Variants in SH3RF3 observed in about 807,000 individuals in gnomAD.
SH3RF3 encodes the protein E3 ubiquitin-protein ligase SH3RF3.
Under a neutral mutation model 66.3 loss-of-function variants are expected in SH3RF3, and 29 were observed. The observed-to-expected ratio is 0.44, with a 90% CI of 0.33 to 0.60. The LOEUF is 0.60. SH3RF3 is among the 20% of genes least tolerant of loss of function. The pLI is 0.04. For synonymous variants in SH3RF3, 583 were observed against 532.0 expected (o/e 1.10, Z -1.32); for missense variants, 1,194 against 1,190.9 (o/e 1.00, Z -0.04).
At chr2:109,211,096 A>G (rs989621420) in intron 1 of SH3RF3, among the ~76,000 whole-genome samples, 1 of 152,122 alleles carries the variant, frequency 6.6e-6, no homozygotes, top group African/African-American at 2.4e-5. Flanking sequence ...TAATATGCCC[A>G]TTTATGTGTG....
intron 3 of SH3RF3, among the ~76,000 whole-genome samples, chr2:109,384,729 T>C (rs1675779298): frequency 6.6e-6 from 1 of 152,114 alleles, no homozygotes; most frequent in South Asian, 2.1e-4. Context: ...TAGTGTAAAA[T>C]GCATGTGGAG....
chr2:109,436,487 C>G (rs894996825), intron 6 of SH3RF3, among the ~76,000 whole-genome samples: 1 of 152,338 alleles, frequency 6.6e-6, no homozygotes, highest in Admixed American at 6.5e-5. Flanking sequence ...AGAGGGGGCC[C>G]GCGTCCTTGC....
At chr2:109,412,995 T>C (rs1676634785) in intron 4 of SH3RF3, among the ~76,000 whole-genome samples, 1 of 152,166 alleles carries the variant, frequency 6.6e-6, no homozygotes, top group African/African-American at 2.4e-5. Flanking sequence ...TTCTGTGTCC[T>C]TGTCAGCCTG....
chr2:109,347,583 C>A, intron 1 of SH3RF3, 91 bp from the exon 2 acceptor site: 1 of 1,501,312 alleles, frequency 6.7e-7, no homozygotes, highest in Non-Finnish European at 8.9e-7. Context: ...CACAGAAAGC[C>A]CCTGAGAAGC....
intron 1 of SH3RF3, among the ~76,000 whole-genome samples, chr2:109,184,933 T>G (rs1399435671): frequency 6.6e-6 from 1 of 152,226 alleles, no homozygotes; most frequent in African/African-American, 2.4e-5. Flanking sequence ...AATATATACA[T>G]TTTCCATTTA....
At chr2:109,479,286 CTTAG>C (rs955488113) in intron 8 of SH3RF3, among the ~76,000 whole-genome samples, 141 of 152,172 alleles carry the variant, frequency 9.3e-4, no homozygotes, top group East Asian at 2.9e-3. Flanking sequence ...GGTCCTGTGA[CTTAG>C]TTAGGGGAGT....
intron 1 of SH3RF3, among the ~76,000 whole-genome samples, chr2:109,198,707 A>G (rs1678566120): frequency 6.6e-6 from 1 of 152,184 alleles, no homozygotes; most frequent in South Asian, 2.1e-4. Flanking sequence ...AAAGGGGACT[A>G]ATCCCATTCG....
chr2:109,145,444 G>A (rs945929787), intron 1 of SH3RF3, among the ~76,000 whole-genome samples: 7 of 152,060 alleles, frequency 4.6e-5, no homozygotes, highest in African/African-American at 9.7e-5. Flanking sequence ...AAGACCGGTC[G>A]CCTTCACCAT....
At position 109,419,396 on chromosome 2, in the gene SH3RF3, G is replaced by A. The variant is rs956857103; in HGVS notation, c.1300-143G>A. The A allele has an allele frequency of 5.0e-6, 4 of 806,174 alleles. No individual in the cohort carries two copies. In the African/African-American group the frequency reaches 6.8e-5, roughly 14 times the overall value. The allele number at this position is 806,174 out of a possible 1,614,324, so 49.9% of individuals were successfully genotyped here. A position where few individuals can be genotyped will look rare whatever the true frequency, so the allele number is the denominator to read the frequency against. ...CCAGGCTCCCTCCCATGACAGTCCA[G>A]GTAGGCACAGCACGTTGGAGGCCAA... On this transcript the variant is annotated intron_variant, in intron 4 of 9. Transcript: ENST00000309415.
At chr2:109,241,910 G>C (rs548008179) in intron 1 of SH3RF3, among the ~76,000 whole-genome samples, 1 of 151,646 alleles carries the variant, frequency 6.6e-6, no homozygotes, top group Admixed American at 6.6e-5. Context: ...GGACTACAGG[G>C]GCCCACCACC....
intron 7 of SH3RF3, among the ~76,000 whole-genome samples, chr2:109,447,834 C>T (rs1318310687): frequency 6.6e-6 from 1 of 152,194 alleles, no homozygotes; most frequent in East Asian, 1.9e-4. Flanking sequence ...AACTTGCAAT[C>T]CCTAACATCT....
At chr2:109,334,192 C>T (rs942676476) in intron 1 of SH3RF3, among the ~76,000 whole-genome samples, 4 of 151,836 alleles carry the variant, frequency 2.6e-5, no homozygotes, top group African/African-American at 9.7e-5. Context: ...CCCGTCCCTA[C>T]AAAAAAATAG....
chr2:109,243,072 A>G (rs1046552335), intron 1 of SH3RF3, among the ~76,000 whole-genome samples: 4 of 152,220 alleles, frequency 2.6e-5, no homozygotes, highest in Non-Finnish European at 4.4e-5. Context: ...TCGGCTGTTC[A>G]TATTCCTGTA....
chr2:109,316,634 T>C (rs931335879), intron 1 of SH3RF3, among the ~76,000 whole-genome samples: 8 of 152,194 alleles, frequency 5.3e-5, no homozygotes, highest in African/African-American at 1.9e-4. Context: ...CCCGCCCCCA[T>C]GTGCAGCCTT....
intron 5 of SH3RF3, among the ~76,000 whole-genome samples, chr2:109,428,930 G>A (rs1349513833): frequency 6.6e-6 from 1 of 152,162 alleles, no homozygotes; most frequent in Non-Finnish European, 1.5e-5. Context: ...CCAGACCCAG[G>A]TGCATGTGTC....
chr2:109,396,003 G>C (rs1676133329), intron 3 of SH3RF3, among the ~76,000 whole-genome samples: 1 of 152,232 alleles, frequency 6.6e-6, no homozygotes, highest in South Asian at 2.1e-4. Context: ...TTGCTGCCAT[G>C]ATTGCTGTGT....
chr2:109,341,801 C>CT (rs1255363332), intron 1 of SH3RF3, among the ~76,000 whole-genome samples: 3 of 152,194 alleles, frequency 2.0e-5, no homozygotes, highest in African/African-American at 7.2e-5. Context: ...GCAGGAATCA[C>CT]TTTCACTTGC....
At chr2:109,417,490 C>G (rs1448576356) in intron 4 of SH3RF3, among the ~76,000 whole-genome samples, 3 of 152,332 alleles carry the variant, frequency 2.0e-5, no homozygotes, top group Admixed American at 2.0e-4. Context: ...CGGTGCTCAG[C>G]CTTTCCTGCT....
chr2:109,153,698 C>A (rs944417779), intron 1 of SH3RF3, among the ~76,000 whole-genome samples: 1 of 152,212 alleles, frequency 6.6e-6, no homozygotes, highest in Non-Finnish European at 1.5e-5. Flanking sequence ...TTGATCTAGT[C>A]TCCAGGGTGT....
Sources: gnomAD v4.1 joint callset for allele counts (sites outside exome capture counted in the v4.1 genomes callset) on GRCh38, gnomAD v4.1.1 for gene constraint, MANE v1.5 for transcripts, NCBI Gene and HGNC (gene_info 2026-07-23, HGNC 2026-07-21) for gene names.